Variants in MGAT3 observed in about 807,000 individuals in gnomAD.
MGAT3 encodes GlcNAc-T III.
MGAT3 carries 9 observed loss-of-function variants against 29.8 expected under a neutral mutation model. The observed-to-expected ratio is 0.30, with a 90% CI of 0.18 to 0.53. The LOEUF (loss-of-function observed/expected upper bound fraction) is 0.53. Ranked by LOEUF, MGAT3 falls within the 20% of genes least tolerant of loss-of-function variation. The pLI is 0.96. For missense variants in MGAT3, 557 were observed against 769.5 expected (o/e 0.72, Z 3.27); for synonymous variants, 397 against 348.9 (o/e 1.14, Z -1.54).
At chr22:39,474,315 C>A (rs1928890466) in intron 1 of MGAT3, among the ~76,000 whole-genome samples, 1 of 152,084 alleles carries the variant, frequency 6.6e-6, no homozygotes, top group African/African-American at 2.4e-5. Context: ...ATGGCAGGCC[C>A]ATGGGGTCCT....
intron 1 of MGAT3, among the ~76,000 whole-genome samples, chr22:39,463,361 C>T (rs938077984): frequency 2.0e-5 from 3 of 152,332 alleles, no homozygotes; most frequent in African/African-American, 7.2e-5. Context: ...CAGCCTCCCT[C>T]GGTCACCCAG....
At chr22:39,470,380 G>C (rs2145715318) in intron 1 of MGAT3, among the ~76,000 whole-genome samples, 1 of 152,360 alleles carries the variant, frequency 6.6e-6, no homozygotes, top group Middle Eastern at 3.4e-3. Flanking sequence ...CATGCCTGAA[G>C]AGTGTAGGAG....
intron 1 of MGAT3, among the ~76,000 whole-genome samples, chr22:39,470,727 G>A (rs991945954): frequency 3.3e-5 from 5 of 152,178 alleles, no homozygotes; most frequent in African/African-American, 1.2e-4. Context: ...ACCCAGCTCA[G>A]AGGACTGGCC....
rs1316126848 is a variant in MGAT3 at position 39,490,831 on chromosome 22, GCCTCTTC to G, written c.*1884_*1890del. 6.0e-6 allele frequency: 1 copy of G among 166,292 alleles called. No individual in the cohort carries two copies. The highest frequency in any genetic ancestry group is 1.5e-5 in the Non-Finnish European group (1 of 67,970). The allele number at this position is 166,292 out of a possible 1,614,324, so 10.3% of individuals were successfully genotyped here. On this transcript the variant is annotated 3_prime_UTR_variant, in exon 2 of 2. Transcript: ENST00000341184. ...ATGGAAGAGGCCAGGCCCAGGCCTG[GCCTCTTC>G]CTCGGGCCTGTGGCCACACCTCCTG...
chr22:39,472,492 C>T (rs987671324), intron 1 of MGAT3, among the ~76,000 whole-genome samples: 5 of 152,156 alleles, frequency 3.3e-5, no homozygotes, highest in South Asian at 2.1e-4. Flanking sequence ...GGGAGCAAGG[C>T]GAGGCTCACA....
chr22:39,481,507 C>T (rs1200930580), intron 1 of MGAT3, among the ~76,000 whole-genome samples: 4 of 152,220 alleles, frequency 2.6e-5, no homozygotes, highest in South Asian at 2.1e-4. Flanking sequence ...CAGTACCCAC[C>T]GAGGTGCCTG....
intron 1 of MGAT3, among the ~76,000 whole-genome samples, chr22:39,485,416 G>C (rs895299411): frequency 6.6e-6 from 1 of 152,192 alleles, no homozygotes; most frequent in Non-Finnish European, 1.5e-5. Flanking sequence ...TATAAACTGG[G>C]AGCAACAGGG....
At chr22:39,475,532 A>T (rs1179027341) in intron 1 of MGAT3, among the ~76,000 whole-genome samples, 1 of 152,050 alleles carries the variant, frequency 6.6e-6, no homozygotes, top group Non-Finnish European at 1.5e-5. Flanking sequence ...GTAGTTAACC[A>T]ATGCTCTATG....
At chr22:39,468,594 A>G (rs1361474848) in intron 1 of MGAT3, among the ~76,000 whole-genome samples, 1 of 152,224 alleles carries the variant, frequency 6.6e-6, no homozygotes, top group Admixed American at 6.5e-5. Context: ...AAGTTGGCAA[A>G]GCAGGCAGGA....
chr22:39,474,494 A>G (rs2145718293), intron 1 of MGAT3, among the ~76,000 whole-genome samples: 1 of 152,260 alleles, frequency 6.6e-6, no homozygotes, highest in South Asian at 2.1e-4. Context: ...TGGGGGTGGA[A>G]TGAAGCGAGG....
At position 39,488,310 on chromosome 22, in the gene MGAT3, C is replaced by G; in HGVS notation, c.963C>G (p.Ile321Met). 6.2e-7 allele frequency: 1 copy of G among 1,611,968 alleles called. No homozygotes were observed. Among genetic ancestry groups the G allele is most frequent in the East Asian group, 2.2e-5 (1 of 44,870 alleles). ...DVFIIDDADE[I>M]PARDGVLFLK... ...TCATCATTGACGATGCGGACGAGAT[C>G]CCGGCCCGTGACGGCGTCCTTTTCC... Residue 321 changes from isoleucine to methionine, a missense_variant, in exon 2 of 2, where the codon ATC becomes ATG. Ile to Met is a conservative substitution (Grantham distance 10, BLOSUM62 1). Around this residue, in one of 3 missense-constraint regions of MGAT3, gnomAD observed 243 missense variants for 444.0 expected, o/e 0.55. Transcript: ENST00000341184.
rs1366117944 is a variant in MGAT3, at chr22:39,487,467, C to T, written c.120C>T (p.Ser40=). The T allele has an allele frequency of 3.1e-6, 5 of 1,613,732 alleles. No individual in the cohort carries two copies. The highest frequency in any genetic ancestry group is 2.7e-5 in the African/African-American group (2 of 74,912). ...SYVTFPRELA[S]LSPNLVSSFF... is the part of the protein sequence containing the mutation. ...TCACCTTCCCCCGAGAACTGGCCTCCCTCAGCCCTAACCTGGTGTCCAGCT... is the reference window on the plus strand; with the variant it reads ...TCACCTTCCCCCGAGAACTGGCCTCTCTCAGCCCTAACCTGGTGTCCAGCT... The change falls in exon 2 of 2, where the codon TCC becomes TCT. Residue 40 remains serine, a synonymous_variant. Coordinates refer to ENST00000341184, the MANE Select transcript of MGAT3 (RefSeq NM_002409.5). The surrounding 1 kb of genome is among the most constrained non-coding windows in gnomAD (Gnocchi z 5.7).
chr22:39,468,046 C>T (rs527746101), intron 1 of MGAT3, among the ~76,000 whole-genome samples: 1 of 151,844 alleles, frequency 6.6e-6, no homozygotes, highest in Non-Finnish European at 1.5e-5. Context: ...ACCCTGGGCA[C>T]ATCCCCTCTC....
intron 1 of MGAT3, among the ~76,000 whole-genome samples, chr22:39,466,352 C>A (rs759403562): frequency 7.9e-5 from 12 of 152,166 alleles, no homozygotes; most frequent in Non-Finnish European, 1.3e-4. Flanking sequence ...CGGCAGGAGG[C>A]CTGTGTTGCT....
At chr22:39,459,510 C>G (rs1464708485) in intron 1 of MGAT3, among the ~76,000 whole-genome samples, 1 of 152,118 alleles carries the variant, frequency 6.6e-6, no homozygotes, top group African/African-American at 2.4e-5. Context: ...GTGATCCAAG[C>G]TGGAGTGCAG....
chr22:39,464,031 C>G (rs1194900740), intron 1 of MGAT3, among the ~76,000 whole-genome samples: 1 of 152,012 alleles, frequency 6.6e-6, no homozygotes, highest in Admixed American at 6.6e-5. Context: ...CAATCCCCAA[C>G]CCTTGTAACC....
intron 1 of MGAT3, among the ~76,000 whole-genome samples, chr22:39,467,445 G>A (rs1928680896): frequency 1.3e-5 from 2 of 152,282 alleles, no homozygotes; most frequent in South Asian, 2.1e-4. Context: ...CGCTTTGGGA[G>A]TGCAGGCAGC....
chr22:39,470,930 CCCTCG>C (rs1325208655), intron 1 of MGAT3, among the ~76,000 whole-genome samples: 2 of 152,188 alleles, frequency 1.3e-5, no homozygotes, highest in Non-Finnish European at 2.9e-5. Context: ...CCCAAAGCAG[CCCTCG>C]CCCCACGCTG....
rs1159867921 is a variant in MGAT3, at chr22:39,487,593, G to A, written c.246G>A (p.Gln82=). 6.2e-7 allele frequency: 1 copy of A among 1,611,414 alleles called. No individual in the cohort carries two copies. Among genetic ancestry groups the A allele is most frequent in the East Asian group, 2.2e-5 (1 of 44,860 alleles). The change falls in exon 2 of 2, where the codon CAG becomes CAA. Residue 82 remains glutamine (Q), a synonymous_variant. Coordinates refer to ENST00000341184, the MANE Select transcript of MGAT3 (RefSeq NM_002409.5). This position sits in a 1 kb window ranked among gnomAD's most constrained non-coding sequence, Gnocchi z 5.7. ...TCTACTCCCACTCGCCCCTGCTGCA[G>A]CCGCTGCCGCCCAGCAAGGCGGCCG... ...TPLYSHSPLL[Q]PLPPSKAAEE... is the part of the protein sequence containing the mutation.
Sources: allele counts gnomAD v4.1 joint callset (sites outside exome capture counted in the v4.1 genomes callset), GRCh38; gene constraint gnomAD v4.1.1; regional missense constraint gnomAD v4.1.1; non-coding constraint Gnocchi (gnomAD v3.1); transcripts MANE v1.5; gene names NCBI Gene and HGNC (gene_info 2026-07-23, HGNC 2026-07-21).